The following TSPAN7 variants were observed in gnomAD, a reference collection of about 807,000 sequenced individuals.
The protein encoded by TSPAN7 is tetraspanin 7.
Under a neutral mutation model 17.6 loss-of-function variants are expected in TSPAN7, and 1 was observed. The ratio of observed to expected loss-of-function variants is 0.06; its 90% CI spans 0.02 to 0.27. The LOEUF is 0.27. TSPAN7 is among the 10% of genes least tolerant of loss of function. The pLI is 1.00. For missense variants in TSPAN7, 112 were observed against 201.7 expected, an observed-to-expected ratio of 0.56 and a Z score of 2.69; for synonymous variants, 78 against 79.0, an observed-to-expected ratio of 0.99 and a Z score of 0.07.
chrX:38,574,629 A>G (rs2069184593), intron 1 of TSPAN7, among the ~76,000 whole-genome samples: 1 of 111,607 alleles, frequency 9.0e-6, no homozygotes, highest in Admixed American at 9.5e-5. Flanking sequence ...TCATAAAAAT[A>G]TCAGTTTTCT....
chrX:38,590,217 A>G (rs956777470), intron 1 of TSPAN7, among the ~76,000 whole-genome samples: 2 of 111,450 alleles, frequency 1.8e-5, no homozygotes, highest in Non-Finnish European at 3.8e-5. Flanking sequence ...CAGTCCTTCC[A>G]CCTCAGCCTC....
intron 1 of TSPAN7, among the ~76,000 whole-genome samples, chrX:38,583,949 CTTTTTTTTTTTTTT>C (rs34777484): frequency 3.0e-5 from 2 of 66,974 alleles, no homozygotes; most frequent in African/African-American, 6.1e-5. Context: ...TTTTTCTTTT[CTTTTTTTTTTTTTT>C]TTTTTTTTGA....
At chrX:38,681,397 G>T in intron 6 of TSPAN7, 110 bp downstream of exon 6, 1 of 644,598 alleles carries the variant, frequency 1.6e-6, no homozygotes, top group East Asian at 3.3e-5. Flanking sequence ...TGATAGATGG[G>T]GTCAAAGCTC....
At position 38,669,426 on chromosome X, in the gene TSPAN7, G is replaced by C. The variant is rs2069805831; in HGVS notation, c.271-1950G>C. ...ACACAGCTAATGTATGGAAGGCTGG[G>C]ATTTGAACCCTTGTATGTTTCCTTC... On this transcript the variant is annotated intron_variant, in intron 2 of 7. Coordinates refer to ENST00000378482, the MANE Select transcript of TSPAN7 (RefSeq NM_004615.4). Among the ~76,000 whole-genome samples, 3 of 111,793 alleles carry C rather than the reference G, an allele frequency of 2.7e-5. No homozygotes were observed. The South Asian group carries it at 1.1e-3, about 42-fold the overall frequency.
intron 1 of TSPAN7, among the ~76,000 whole-genome samples, chrX:38,592,117 C>T (rs951300487): frequency 2.7e-5 from 3 of 111,035 alleles, no homozygotes; most frequent in African/African-American, 6.5e-5. Context: ...AGAACTCACT[C>T]GCTATCATGA....
chrX:38,672,377 A>G (rs1440999964), intron 3 of TSPAN7, among the ~76,000 whole-genome samples: 1 of 108,770 alleles, frequency 9.2e-6, no homozygotes, highest in Non-Finnish European at 1.9e-5. Context: ...AGATCCCACT[A>G]TTGTGCTTGG....
chrX:38,674,966 T>A (rs2069843792), intron 4 of TSPAN7, among the ~76,000 whole-genome samples: 1 of 112,375 alleles, frequency 8.9e-6, no homozygotes, highest in East Asian at 2.8e-4. Flanking sequence ...TGATAAAAGT[T>A]CCAACATATA....
rs1244069352 is a variant in TSPAN7 at position 38,668,229 on chromosome X, G to A, written c.270+1920G>A. Reference sequence around the variant, plus strand: ...GGACTAAATCACCAAAGTTTCTCCCGGCCCAAATACTATGACTGGAGAGGG... The same window carrying A: ...GGACTAAATCACCAAAGTTTCTCCCAGCCCAAATACTATGACTGGAGAGGG... On this transcript the variant is annotated intron_variant, in intron 2 of 7. Coordinates refer to ENST00000378482, the MANE Select transcript of TSPAN7 (RefSeq NM_004615.4). Among the ~76,000 whole-genome samples the A allele has an allele frequency of 8.9e-5, 10 of 111,742 alleles. No individual in the cohort carries two copies. The Admixed American group carries it at 9.5e-4, about 11-fold the overall frequency.
chrX:38,605,418 A>G (rs1339111628), intron 1 of TSPAN7, among the ~76,000 whole-genome samples: 1 of 111,371 alleles, frequency 9.0e-6, no homozygotes, highest in East Asian at 2.8e-4. Flanking sequence ...AGAGGATACA[A>G]ACAAATGGAA....
At chrX:38,642,376 T>G (rs1460111187) in intron 1 of TSPAN7, among the ~76,000 whole-genome samples, 1 of 112,283 alleles carries the variant, frequency 8.9e-6, no homozygotes, top group Non-Finnish European at 1.9e-5. Context: ...CTTTGCTCAT[T>G]ATTGTGCTGA....
intron 1 of TSPAN7, among the ~76,000 whole-genome samples, chrX:38,576,699 G>A (rs1264436598): frequency 1.8e-5 from 2 of 111,947 alleles, no homozygotes; most frequent in Non-Finnish European, 3.8e-5. Context: ...ATTTTGACAA[G>A]TGGTTCTTGG....
chrX:38,666,433 C>A (rs1030193581), intron 2 of TSPAN7, 124 bp downstream of exon 2: 3 of 730,017 alleles, frequency 4.1e-6, no homozygotes, highest in Non-Finnish European at 6.2e-6. Flanking sequence ...AGTCCAGACT[C>A]TTTCCTAATC....
intron 1 of TSPAN7, among the ~76,000 whole-genome samples, chrX:38,620,027 A>C (rs2069480723): frequency 8.9e-6 from 1 of 111,899 alleles, no homozygotes; most frequent in Non-Finnish European, 1.9e-5. Context: ...ACCCACTTGG[A>C]AGTTCCTGAG....
Position 38,611,131 on chromosome X carries a change from C to T in TSPAN7, c.81+49504C>T, listed in dbSNP as rs2069415904. Among the ~76,000 whole-genome samples, 3 of 112,289 alleles carry T rather than the reference C, an allele frequency of 2.7e-5. No individual in the cohort carries two copies. In the Admixed American group the frequency reaches 2.8e-4, roughly 11 times the overall value. On this transcript the variant is annotated intron_variant, in intron 1 of 7. Transcript: ENST00000378482. ...TGACTTCTTTCTTTCTTTGACTACA[C>T]ACGTAAGGAAAATATTCAGCACATG... is the stretch of plus-strand genomic sequence containing the variant.
chrX:38,605,778 T>C (rs2069377737), intron 1 of TSPAN7, among the ~76,000 whole-genome samples: 1 of 110,826 alleles, frequency 9.0e-6, no homozygotes, highest in African/African-American at 3.3e-5. Context: ...CTATCTGATC[T>C]TTGACAAACC....
chrX:38,617,747 CCTT>C (rs762648402), intron 1 of TSPAN7, among the ~76,000 whole-genome samples: 13 of 111,822 alleles, frequency 1.2e-4, no homozygotes, highest in African/African-American at 4.2e-4. Flanking sequence ...TTAGAATACT[CCTT>C]CTGCTCTGTG....
At chrX:38,678,888 T>G (rs1262458939) in intron 5 of TSPAN7, among the ~76,000 whole-genome samples, 1 of 111,844 alleles carries the variant, frequency 8.9e-6, no homozygotes, top group Non-Finnish European at 1.9e-5. Flanking sequence ...ATTAAAAATA[T>G]GTCAAAAGCA....
intron 1 of TSPAN7, among the ~76,000 whole-genome samples, chrX:38,593,342 C>T (rs919792980): frequency 1.6e-4 from 18 of 110,432 alleles, no homozygotes; most frequent in Non-Finnish European, 7.6e-5. Flanking sequence ...TCTATCCCAC[C>T]CTTTTGTGGT....
rs34777484 is a variant in TSPAN7 at position 38,583,949 on chromosome X, CTTTTTTTTTT to C, written c.81+22335_81+22344del. Reference sequence around the variant, plus strand: ...GATTTTTTTTTCTTTTTTTTCTTTTCTTTTTTTTTTTTTTTTTTTTTTGAGATAGAGTCTT... The same window carrying C: ...GATTTTTTTTTCTTTTTTTTCTTTTCTTTTTTTTTTTTGAGATAGAGTCTT... On this transcript the variant is annotated intron_variant, in intron 1 of 7. Coordinates refer to ENST00000378482, the MANE Select transcript of TSPAN7 (RefSeq NM_004615.4). 7.5e-5 allele frequency among the ~76,000 whole-genome samples: 5 copies of C among 66,956 alleles called. No homozygotes were observed. The East Asian group carries it at 1.8e-3, about 23-fold the overall frequency. The allele number at this position is 66,956 out of a possible 115,157, so 58.1% of individuals were successfully genotyped here.
Sources: gnomAD v4.1 joint callset for allele counts (sites outside exome capture counted in the v4.1 genomes callset) on GRCh38, gnomAD v4.1.1 for gene constraint, MANE v1.5 for transcripts, NCBI Gene and HGNC (gene_info 2026-07-23, HGNC 2026-07-21) for gene names.